SLCO3A1: variants seen among roughly 807,000 people sequenced by gnomAD.
The protein encoded by SLCO3A1 is PGE1 transporter.
A neutral mutation model predicts 63.1 loss-of-function variants in SLCO3A1; 27 were observed. That is an observed-to-expected ratio of 0.43 (90% CI 0.32 to 0.59). The LOEUF is 0.59. Among genes scored for constraint, SLCO3A1 ranks in the 20% least tolerant of loss-of-function variants. The pLI, the probability that SLCO3A1 is intolerant of heterozygous loss-of-function variation, is 0.09. For synonymous variants in SLCO3A1, 473 were observed against 409.9 expected (o/e 1.15, Z -1.86); for missense variants, 773 against 945.8 (o/e 0.82, Z 2.40).
rs571919956 is a variant in SLCO3A1 at position 92,041,367 on chromosome 15, A to G, written c.647-53514A>G. Among the ~76,000 whole-genome samples, 61 of 152,330 alleles carry G rather than the reference A, an allele frequency of 4.0e-4. 1 individual carries two copies. Among genetic ancestry groups the G allele is most frequent in the African/African-American group, 1.2e-3 (51 of 41,558 alleles). Reference sequence around the variant, plus strand: ...TTCATATTTCCCAGCACAATAGACTAGAAGCCCTTTTTTGGGAGGTGAGAC... The same window carrying G: ...TTCATATTTCCCAGCACAATAGACTGGAAGCCCTTTTTTGGGAGGTGAGAC... On this transcript the variant is annotated intron_variant, in intron 2 of 9. Coordinates refer to ENST00000318445, the MANE Select transcript of SLCO3A1 (RefSeq NM_013272.4).
chr15:92,084,726 T>C (rs1219527216), intron 2 of SLCO3A1, among the ~76,000 whole-genome samples: 5 of 152,326 alleles, frequency 3.3e-5, no homozygotes, highest in Admixed American at 6.5e-5. Context: ...CCTGTGCTCC[T>C]CTCACCCAGC....
intron 2 of SLCO3A1, among the ~76,000 whole-genome samples, chr15:91,973,154 G>A (rs532529635): frequency 4.3e-4 from 65 of 152,322 alleles, no homozygotes; most frequent in African/African-American, 1.4e-3. Flanking sequence ...CCCTGGGGCA[G>A]GGGAACTGAG....
chr15:92,112,092 G>C (rs2047736323), intron 4 of SLCO3A1, among the ~76,000 whole-genome samples: 1 of 152,228 alleles, frequency 6.6e-6, no homozygotes, highest in South Asian at 2.1e-4. Flanking sequence ...GGGACTTGGA[G>C]ATACTTGATT....
chr15:92,066,316 C>G lies in SLCO3A1; in HGVS notation c.647-28565C>G, dbSNP rs185100718. 2.9e-3 allele frequency among the ~76,000 whole-genome samples: 439 copies of G among 152,332 alleles called. 3 individuals carry two copies. The highest frequency in any genetic ancestry group is 0.01 in the African/African-American group (432 of 41,576). On this transcript the variant is annotated intron_variant, in intron 2 of 9. Transcript: ENST00000318445. The stretch of plus-strand genomic sequence containing the variant: ...AGAACCTGTTCAAATCCTGGCTTCA[C>G]CAGTTACCAGCTCTAAGCCTCAGTA...
Position 92,147,006 on chromosome 15 carries a change from T to C in SLCO3A1, c.1535T>C (p.Leu512Pro). ...NSTNLTGCAC[L>P]TTVPAENATV... ...CAGAATCTCACGGGCTGTGCGTGCC[T>C]CACCACCGTCCCTGCTGAGAACGCA... Residue 512 changes from leucine (L) to proline (P), a missense_variant, in exon 8 of 10, where the codon CTC (leucine) becomes CCC (proline). This residue lies in a region of SLCO3A1 where 565 missense variants were observed against 749.8 expected (regional missense o/e 0.75). Coordinates refer to ENST00000318445, the MANE Select transcript of SLCO3A1 (RefSeq NM_013272.4). 1 of 1,613,594 alleles carries C rather than the reference T, an allele frequency of 6.2e-7. No individual in the cohort carries two copies. The highest frequency in any genetic ancestry group is 8.5e-7 in the Non-Finnish European group (1 of 1,179,746).
chr15:92,119,831 G>A (rs917676860), intron 4 of SLCO3A1, among the ~76,000 whole-genome samples: 2 of 152,182 alleles, frequency 1.3e-5, no homozygotes, highest in African/African-American at 4.8e-5. Context: ...TGAAAACCAA[G>A]ACCCCAGTTG....
At chr15:91,993,375 A>G (rs1040450705) in intron 2 of SLCO3A1, among the ~76,000 whole-genome samples, 14 of 152,338 alleles carry the variant, frequency 9.2e-5, no homozygotes, top group Middle Eastern at 3.4e-3. Flanking sequence ...CCTTAAATGA[A>G]GATGAAATTT....
intron 2 of SLCO3A1, among the ~76,000 whole-genome samples, chr15:92,044,383 C>G (rs1036854911): frequency 2.0e-5 from 3 of 152,172 alleles, no homozygotes; most frequent in South Asian, 4.1e-4. Context: ...ATTCTGTCTG[C>G]TAGATCACTA....
intron 2 of SLCO3A1, among the ~76,000 whole-genome samples, chr15:92,018,072 G>A (rs907976468): frequency 3.3e-5 from 5 of 152,236 alleles, no homozygotes; most frequent in African/African-American, 1.2e-4. Context: ...TGATGTGGTT[G>A]AGGGCTGGGC....
intron 8 of SLCO3A1, 44 bp from the exon 9 acceptor site, chr15:92,150,906 A>T: frequency 6.8e-7 from 1 of 1,467,842 alleles, no homozygotes; most frequent in Non-Finnish European, 9.4e-7. Flanking sequence ...CAGGGGAATG[A>T]TAAAAATCTG....
rs111695934 is a variant in SLCO3A1 at position 91,993,226 on chromosome 15, A to G, written c.646+76768A>G. Among the ~76,000 whole-genome samples, 1,090 of 152,352 alleles carry G rather than the reference A, an allele frequency of 7.2e-3. 13 individuals are homozygous for G. The highest frequency in any genetic ancestry group is 0.023 in the African/African-American group (975 of 41,584). On this transcript the variant is annotated intron_variant, in intron 2 of 9. Transcript: ENST00000318445. ...TCTTTGTACGAATTGCATTAGTACA[A>G]ACATTTCAACCAACACATAAAATTT...
intron 9 of SLCO3A1, among the ~76,000 whole-genome samples, chr15:92,160,251 C>G (rs1040256653): frequency 6.6e-6 from 1 of 152,142 alleles, no homozygotes; most frequent in African/African-American, 2.4e-5. Context: ...ACATTAGTTC[C>G]ATTTATCTCT....
At chr15:91,927,576 G>A (rs1055726711) in intron 2 of SLCO3A1, among the ~76,000 whole-genome samples, 4 of 152,080 alleles carry the variant, frequency 2.6e-5, no homozygotes, top group Non-Finnish European at 4.4e-5. Context: ...TTCGGGTGTC[G>A]GGGGACTGAG....
intron 2 of SLCO3A1, among the ~76,000 whole-genome samples, chr15:91,958,657 C>T (rs1900326656): frequency 1.3e-5 from 2 of 152,056 alleles, no homozygotes; most frequent in African/African-American, 4.8e-5. Flanking sequence ...AACAGCTTTA[C>T]CAAGATAAAA....
chr15:91,889,072 A>G (rs982979293), intron 1 of SLCO3A1: 1 of 902,568 alleles, frequency 1.1e-6, no homozygotes, highest in African/African-American at 1.8e-5. Flanking sequence ...GCTAACATAT[A>G]GCTAACATTT....
chr15:92,038,206 A>C (rs765737041), intron 2 of SLCO3A1, among the ~76,000 whole-genome samples: 1 of 152,218 alleles, frequency 6.6e-6, no homozygotes, highest in Non-Finnish European at 1.5e-5. Context: ...TAATGATCCC[A>C]GTCTGAACAA....
chr15:92,084,461 G>T (rs1019733609), intron 2 of SLCO3A1, among the ~76,000 whole-genome samples: 2 of 152,180 alleles, frequency 1.3e-5, no homozygotes, highest in South Asian at 2.1e-4. Context: ...GGGAGCATTT[G>T]TACCATGCTC....
intron 1 of SLCO3A1, among the ~76,000 whole-genome samples, chr15:91,874,478 A>G (rs1459222189): frequency 6.6e-6 from 1 of 152,142 alleles, no homozygotes; most frequent in African/African-American, 2.4e-5. Flanking sequence ...TGACTACCCT[A>G]GGGCCTCATA....
At chr15:92,107,633 T>C (rs2047681851) in intron 4 of SLCO3A1, among the ~76,000 whole-genome samples, 1 of 152,250 alleles carries the variant, frequency 6.6e-6, no homozygotes, top group South Asian at 2.1e-4. Context: ...CTCATCCGTT[T>C]TGTCTGAGCT....
Sources: gnomAD v4.1 joint callset for allele counts (sites outside exome capture counted in the v4.1 genomes callset) on GRCh38, gnomAD v4.1.1 for gene constraint, gnomAD v4.1.1 regional missense constraint, MANE v1.5 for transcripts, NCBI Gene and HGNC (gene_info 2026-07-23, HGNC 2026-07-21) for gene names.